LDLRAD4: variants seen among roughly 807,000 people sequenced by gnomAD.
LDLRAD4 encodes the protein low-density lipoprotein receptor class A domain-containing protein 4.
A neutral mutation model predicts 17.0 loss-of-function variants in LDLRAD4; 5 were observed. The observed-to-expected ratio is 0.29, with a 90% confidence interval of 0.15 to 0.62. The LOEUF (loss-of-function observed/expected upper bound fraction) is 0.62, where lower values mean the gene tolerates loss of function less well. Among genes scored for constraint, LDLRAD4 ranks in the 20% least tolerant of loss-of-function variants. The pLI is 0.84. For synonymous variants in LDLRAD4, 168 were observed against 171.8 expected (o/e 0.98, Z 0.17); for missense variants, 340 against 424.7 (o/e 0.80, Z 1.75).
chr18:13,392,393 C>T (rs916978474), intron 2 of LDLRAD4, among the ~76,000 whole-genome samples: 6 of 152,228 alleles, frequency 3.9e-5, no homozygotes, highest in Admixed American at 6.5e-5. Flanking sequence ...CTTCCAGGCC[C>T]TCTTTCTGCC....
chr18:13,569,849 C>T (rs2094660998), intron 3 of LDLRAD4, among the ~76,000 whole-genome samples: 1 of 152,204 alleles, frequency 6.6e-6, no homozygotes, highest in South Asian at 2.1e-4. Flanking sequence ...CGTGCCACCG[C>T]ACTGCAGCCT....
intron 1 of LDLRAD4, among the ~76,000 whole-genome samples, chr18:13,387,115 T>G (rs1470503212): frequency 6.6e-6 from 1 of 152,200 alleles, no homozygotes; most frequent in East Asian, 1.9e-4. Flanking sequence ...CCGAGGTGTC[T>G]GTGAGGGCAG....
At chr18:13,504,916 A>T (rs1038326177) in intron 3 of LDLRAD4, among the ~76,000 whole-genome samples, 4 of 152,124 alleles carry the variant, frequency 2.6e-5, no homozygotes, top group Admixed American at 6.5e-5. Flanking sequence ...TCACCTTCCC[A>T]CTAGAGGACA....
At chr18:13,358,306 C>T (rs904876717) in intron 1 of LDLRAD4, among the ~76,000 whole-genome samples, 7 of 151,704 alleles carry the variant, frequency 4.6e-5, no homozygotes, top group Admixed American at 6.6e-5. Context: ...ATCTGTTTAT[C>T]GATATAGATA....
chr18:13,363,311 G>C (rs56207957), intron 1 of LDLRAD4, among the ~76,000 whole-genome samples: 1 of 141,046 alleles, frequency 7.1e-6, no homozygotes, highest in South Asian at 2.4e-4. Context: ...CAACCTGGGC[G>C]ACAGAGCAAG....
chr18:13,591,839 A>G (rs751156660), intron 3 of LDLRAD4, among the ~76,000 whole-genome samples: 18 of 152,344 alleles, frequency 1.2e-4, no homozygotes, highest in South Asian at 2.1e-4. Flanking sequence ...TGTATGCCAC[A>G]TGCACATGGA....
In LDLRAD4 at chr18:13,612,151, C is replaced by T. The variant is rs577203174; in HGVS notation, c.182-8966C>T. The stretch of plus-strand genomic sequence containing the variant: ...ATTGTGTGAGACTTGCAGATTTCCT[C>T]CTTTCTGTCTGGACTGGTTTGATAT... On this transcript the variant is annotated intron_variant, in intron 3 of 5. Transcript: ENST00000359446. 5 of 986,160 alleles carry T rather than the reference C, an allele frequency of 5.1e-6. No individual in the cohort carries two copies. The South Asian group carries it at 1.4e-4, about 28-fold the overall frequency. 61.1% of individuals were successfully genotyped at this position (986,160 alleles called of 1,614,324 possible).
chr18:13,326,171 C>T (rs2081525102), intron 1 of LDLRAD4, among the ~76,000 whole-genome samples: 1 of 152,092 alleles, frequency 6.6e-6, no homozygotes, highest in Non-Finnish European at 1.5e-5. Context: ...TAGGGTGCAT[C>T]TGGAAAAATA....
chr18:13,352,753 C>T (rs1342738089), intron 1 of LDLRAD4, among the ~76,000 whole-genome samples: 2 of 152,108 alleles, frequency 1.3e-5, no homozygotes, highest in South Asian at 2.1e-4. Context: ...GCCTCTTAGG[C>T]TCTGTTCACT....
At chr18:13,544,929 A>C (rs1184716604) in intron 3 of LDLRAD4, among the ~76,000 whole-genome samples, 3 of 149,022 alleles carry the variant, frequency 2.0e-5, no homozygotes, top group African/African-American at 7.4e-5. Flanking sequence ...TTTATTTTCC[A>C]AATTTTCTAA....
intron 3 of LDLRAD4, among the ~76,000 whole-genome samples, chr18:13,485,725 A>G: frequency 6.6e-6 from 1 of 152,214 alleles, no homozygotes. Context: ...ATGTATCAAG[A>G]ACCCAGGCCT....
At chr18:13,430,542 C>T (rs1254209304) in intron 2 of LDLRAD4, among the ~76,000 whole-genome samples, 4 of 152,122 alleles carry the variant, frequency 2.6e-5, no homozygotes, top group African/African-American at 9.7e-5. Flanking sequence ...ACAGTGAGAT[C>T]CCGGAACAAG....
chr18:13,272,658 A>G (rs1242773175), intron 1 of LDLRAD4, among the ~76,000 whole-genome samples: 1 of 152,224 alleles, frequency 6.6e-6, no homozygotes, highest in Admixed American at 6.5e-5. Flanking sequence ...TTGTTAGGAC[A>G]CAGGCGGTCA....
chr18:13,492,107 A>T (rs969569710), intron 3 of LDLRAD4, among the ~76,000 whole-genome samples: 1 of 152,178 alleles, frequency 6.6e-6, no homozygotes, highest in Admixed American at 6.5e-5. Context: ...CCATGCCACC[A>T]AGACCCAAGA....
At chr18:13,442,621 G>A (rs1246959292) in intron 3 of LDLRAD4, among the ~76,000 whole-genome samples, 1 of 152,226 alleles carries the variant, frequency 6.6e-6, no homozygotes, top group African/African-American at 2.4e-5. Flanking sequence ...GCCGGCTGCG[G>A]GGAGCCTGAG....
At chr18:13,439,934 A>G (rs11080653) in intron 3 of LDLRAD4, among the ~76,000 whole-genome samples, 7,835 of 152,278 alleles carry the variant, frequency 0.051, 475 homozygotes, top group African/African-American at 0.14. Flanking sequence ...TTATTGGAGT[A>G]TCACACAGGA....
intron 3 of LDLRAD4, among the ~76,000 whole-genome samples, chr18:13,590,006 T>C (rs1469085166): frequency 2.6e-5 from 4 of 151,070 alleles, no homozygotes; most frequent in Non-Finnish European, 5.9e-5. Context: ...GGTGTGCACG[T>C]GTGTGGCTGT....
chr18:13,374,911 C>T (rs2084786875), intron 1 of LDLRAD4, among the ~76,000 whole-genome samples: 1 of 152,178 alleles, frequency 6.6e-6, no homozygotes, highest in Non-Finnish European at 1.5e-5. Context: ...TGTGTAGGTG[C>T]CGTCTGCAGC....
intron 1 of LDLRAD4, among the ~76,000 whole-genome samples, chr18:13,341,807 TC>T (rs1452016651): frequency 2.0e-5 from 3 of 152,184 alleles, no homozygotes; most frequent in African/African-American, 7.2e-5. Context: ...CTTGTCTTAT[TC>T]CTTATCTTAG....
Sources: allele counts gnomAD v4.1 joint callset (sites outside exome capture counted in the v4.1 genomes callset), GRCh38; gene constraint gnomAD v4.1.1; transcripts MANE v1.5; gene names NCBI Gene and HGNC (gene_info 2026-07-23, HGNC 2026-07-21).